Variants in C12orf54 observed in about 807,000 individuals in gnomAD.
C12orf54 encodes the protein uncharacterized protein C12orf54.
Under a neutral mutation model 26.4 loss-of-function variants are expected in C12orf54, and 24 were observed. The observed-to-expected ratio is 0.91, with a 90% confidence interval of 0.66 to 1.28. The LOEUF is 1.28. Ranked by LOEUF, C12orf54 falls within the 50% of genes most tolerant of loss-of-function variation. C12orf54 has a pLI of 0.00. For missense variants in C12orf54, 154 were observed against 150.9 expected, an observed-to-expected ratio of 1.02 and a Z score of -0.11; for synonymous variants, 54 against 47.0, an observed-to-expected ratio of 1.15 and a Z score of -0.61.
rs748780743 is a variant in C12orf54 at position 48,486,494 on chromosome 12, C to T, written c.97-194C>T. 1.1e-3 allele frequency: 696 copies of T among 645,308 alleles called. 1 individual carries two copies. Among genetic ancestry groups the T allele is most frequent in the Non-Finnish European group, 1.5e-3 (527 of 363,434 alleles). 40.0% of individuals were successfully genotyped at this position (645,308 alleles called of 1,614,324 possible). A position where few individuals can be genotyped will look rare whatever the true frequency, so the allele number is the denominator to read the frequency against. ...TGTCATGCACCAGCTAGATCCAGAG[C>T]GAAGCAGGATATATGGGATGAAATG... On this transcript the variant is annotated intron_variant, in intron 3 of 8. Transcript: ENST00000548364.
chr12:48,476,745 G>A, the C12orf54 span, among the ~76,000 whole-genome samples: 2 of 152,072 alleles, frequency 1.3e-5, no homozygotes. Flanking sequence ...GATTCATAAA[G>A]CAAGTCCTTA....
At chr12:48,461,984 C>A in the C12orf54 span, among the ~76,000 whole-genome samples, 5 of 151,200 alleles carry the variant, frequency 3.3e-5, no homozygotes, top group Non-Finnish European at 5.9e-5. Flanking sequence ...TTAGACTGAT[C>A]AGAAAAAAGA....
At chr12:48,492,370 G>C (rs1373467733) in intron 6 of C12orf54, among the ~76,000 whole-genome samples, 1 of 152,138 alleles carries the variant, frequency 6.6e-6, no homozygotes, top group African/African-American at 2.4e-5. Flanking sequence ...TGATCCCTAA[G>C]GTTCAAAAAG....
chr12:48,458,559 A>G, the C12orf54 span, among the ~76,000 whole-genome samples: 1 of 152,168 alleles, frequency 6.6e-6, no homozygotes, highest in Non-Finnish European at 1.5e-5. Context: ...GTAGCTTCTC[A>G]AGGACAGGGA....
upstream of C12orf54, among the ~76,000 whole-genome samples, chr12:48,479,790 A>C (rs1954179890): frequency 6.6e-6 from 1 of 151,944 alleles, no homozygotes; most frequent in Admixed American, 6.6e-5. Flanking sequence ...GAACATCTGC[A>C]CCCATTTTTC....
intron 6 of C12orf54, among the ~76,000 whole-genome samples, chr12:48,492,569 G>C (rs2137096678): frequency 6.6e-6 from 1 of 152,292 alleles, no homozygotes; most frequent in East Asian, 1.9e-4. Flanking sequence ...GAGGGAGGGT[G>C]AAATCCAGGG....
At chr12:48,479,803 C>A (rs1954179993), upstream of C12orf54, among the ~76,000 whole-genome samples, 1 of 151,964 alleles carries the variant, frequency 6.6e-6, no homozygotes, top group Non-Finnish European at 1.5e-5. Flanking sequence ...CATTTTTCTC[C>A]TGCCCCTCAG....
the C12orf54 span, among the ~76,000 whole-genome samples, chr12:48,430,000 A>C: frequency 6.6e-6 from 1 of 152,208 alleles, no homozygotes; most frequent in Non-Finnish European, 1.5e-5. Context: ...AAGAACCCAG[A>C]AATAAACCCA....
chr12:48,442,236 TGGAGAA>T, the C12orf54 span: 2 of 204,266 alleles, frequency 9.8e-6, no homozygotes, highest in Middle Eastern at 5.3e-4. Context: ...GAGGAGCAGG[TGGAGAA>T]GGCTTTGCTT....
upstream of C12orf54, among the ~76,000 whole-genome samples, chr12:48,479,603 G>GT (rs201487358): frequency 1.4e-3 from 206 of 145,584 alleles, no homozygotes; most frequent in East Asian, 5.8e-3. Flanking sequence ...GTTTTGTTTT[G>GT]TTTTTTTTTT....
chr12:48,427,539 T>C, the C12orf54 span, among the ~76,000 whole-genome samples: 1 of 152,146 alleles, frequency 6.6e-6, no homozygotes, highest in Non-Finnish European at 1.5e-5. Context: ...TGAAGCTTTC[T>C]TTGTTTGTTG....
Sources: allele counts gnomAD v4.1 joint callset (sites outside exome capture counted in the v4.1 genomes callset), GRCh38; gene constraint gnomAD v4.1.1; transcripts MANE v1.5; gene names NCBI Gene and HGNC (gene_info 2026-07-23, HGNC 2026-07-21).